HCN1: variants seen among roughly 807,000 people sequenced by gnomAD.
HCN1 encodes the protein hyperpolarization activated cyclic nucleotide gated potassium channel 1.
In HCN1, 13 loss-of-function variants were observed where a neutral mutation model predicts 78.9. That is an observed-to-expected ratio of 0.16 (90% CI 0.11 to 0.26). HCN1 has a LOEUF of 0.26. Ranked by LOEUF, HCN1 falls within the 10% of genes least tolerant of loss-of-function variation. HCN1 has a pLI of 1.00. For synonymous variants in HCN1, 552 were observed against 455.5 expected (o/e 1.21, Z -2.70); for missense variants, 810 against 1,154.3 (o/e 0.70, Z 4.32).
At chr5:45,641,938 A>C (rs1745462265) in intron 2 of HCN1, 1 of 152,164 alleles carries the variant, frequency 6.6e-6, no homozygotes, top group Non-Finnish European at 1.5e-5. Context: ...GAAGATCACA[A>C]GGAATTTGTT....
At chr5:45,425,819 G>A (rs184287188) in intron 3 of HCN1, among the ~76,000 whole-genome samples, 1 of 152,176 alleles carries the variant, frequency 6.6e-6, no homozygotes, top group Non-Finnish European at 1.5e-5. Flanking sequence ...CAAGTCAGGA[G>A]AGAAGGGAGG....
At chr5:45,310,608 G>T (rs1745830276) in intron 5 of HCN1, among the ~76,000 whole-genome samples, 1 of 152,134 alleles carries the variant, frequency 6.6e-6, no homozygotes, top group African/African-American at 2.4e-5. Flanking sequence ...ACAGTGTAGT[G>T]ATTCCTTAAA....
At chr5:45,552,048 G>T (rs2111856971) in intron 2 of HCN1, among the ~76,000 whole-genome samples, 1 of 151,924 alleles carries the variant, frequency 6.6e-6, no homozygotes, top group African/African-American at 2.4e-5. Flanking sequence ...TACACCTCAG[G>T]ATTATCTTAT....
intron 6 of HCN1, among the ~76,000 whole-genome samples, chr5:45,270,336 G>T (rs763505369): frequency 5.3e-5 from 8 of 152,168 alleles, no homozygotes; most frequent in Non-Finnish European, 1.2e-4. Flanking sequence ...TGCAAGAAAG[G>T]ATTTAAAACG....
chr5:45,404,553 T>C (rs1368767042), intron 3 of HCN1, among the ~76,000 whole-genome samples: 2 of 151,460 alleles, frequency 1.3e-5, no homozygotes, highest in Admixed American at 1.3e-4. Flanking sequence ...ACATAGTAAG[T>C]ACCTTTGCTT....
chr5:45,365,280 T>C (rs1747211235), intron 4 of HCN1, among the ~76,000 whole-genome samples: 1 of 151,942 alleles, frequency 6.6e-6, no homozygotes. Flanking sequence ...GGGCTTCTAA[T>C]GTACCCATCA....
chr5:45,509,405 G>GA (rs559527282), intron 2 of HCN1, among the ~76,000 whole-genome samples: 17 of 151,776 alleles, frequency 1.1e-4, no homozygotes, highest in South Asian at 4.2e-4. Flanking sequence ...AAAATAAAGG[G>GA]AAAAAAAAGC....
chr5:45,677,144 G>A (rs1739573545), intron 1 of HCN1, among the ~76,000 whole-genome samples: 1 of 151,748 alleles, frequency 6.6e-6, no homozygotes, highest in Non-Finnish European at 1.5e-5. Flanking sequence ...TGGATTAGAT[G>A]AAACCCCTAG....
chr5:45,574,985 A>G (rs1743910306), intron 2 of HCN1: 1 of 152,244 alleles, frequency 6.6e-6, no homozygotes, highest in Admixed American at 6.6e-5. Context: ...ATCTAAGGAA[A>G]GAAGTAATGT....
At chr5:45,524,770 G>T (rs1742695668) in intron 2 of HCN1, among the ~76,000 whole-genome samples, 1 of 151,970 alleles carries the variant, frequency 6.6e-6, no homozygotes, top group Admixed American at 6.6e-5. Flanking sequence ...GAGACGATGG[G>T]GTTTTCTAGA....
intron 1 of HCN1, among the ~76,000 whole-genome samples, 167 bp downstream of exon 1, chr5:45,695,502 C>G (rs1213155271): frequency 6.6e-6 from 1 of 152,124 alleles, no homozygotes; most frequent in Non-Finnish European, 1.5e-5. Context: ...TGGGTGGAAA[C>G]TACCCGGAGG....
At chr5:45,537,216 A>T (rs559143806) in intron 2 of HCN1, among the ~76,000 whole-genome samples, 2 of 152,312 alleles carry the variant, frequency 1.3e-5, no homozygotes, top group Admixed American at 1.3e-4. Context: ...TGTCTTTTCC[A>T]GTAAATCTTA....
At chr5:45,416,206 T>A (rs1740115152) in intron 3 of HCN1, among the ~76,000 whole-genome samples, 1 of 151,960 alleles carries the variant, frequency 6.6e-6, no homozygotes, top group African/African-American at 2.4e-5. Flanking sequence ...TAGGTATTAT[T>A]TTAATCATGA....
intron 5 of HCN1, among the ~76,000 whole-genome samples, chr5:45,334,421 C>T (rs1036653665): frequency 1.3e-5 from 2 of 149,658 alleles, no homozygotes; most frequent in Non-Finnish European, 3.0e-5. Flanking sequence ...GGTGAACACA[C>T]TTTTTTTTTT....
At chr5:45,691,908 G>A (rs985140349) in intron 1 of HCN1, among the ~76,000 whole-genome samples, 4 of 152,124 alleles carry the variant, frequency 2.6e-5, no homozygotes, top group African/African-American at 7.2e-5. Context: ...CCCATCTCTA[G>A]AGTCCTTGAG....
In HCN1 at chr5:45,255,183, A is replaced by G. The variant is rs1203308145; in HGVS notation, c.*6738T>C. On this transcript the variant is annotated 3_prime_UTR_variant, in exon 8 of 8. Transcript: ENST00000303230. Reference sequence around the variant, plus strand: ...GGCTGGGTTAGACAGCGTGACCAAGAGTAAACTTTGGATGGTCCAGGATAA... The same window carrying G: ...GGCTGGGTTAGACAGCGTGACCAAGGGTAAACTTTGGATGGTCCAGGATAA... The G allele has an allele frequency of 1.3e-5, 2 of 152,226 alleles. No individual in the cohort carries two copies. Among genetic ancestry groups the G allele is most frequent in the Non-Finnish European group, 2.9e-5 (2 of 68,046 alleles). The allele number at this position is 152,226 out of a possible 1,614,324, so 9.4% of individuals were successfully genotyped here. A position where few individuals can be genotyped will look rare whatever the true frequency, so the allele number is the denominator to read the frequency against.
chr5:45,446,639 A>C (rs1740803515), intron 3 of HCN1, among the ~76,000 whole-genome samples: 1 of 152,192 alleles, frequency 6.6e-6, no homozygotes. Context: ...GCCAGAGAGA[A>C]AGGTCCGGTT....
In HCN1 at chr5:45,581,723, A is replaced by G. The variant is rs148137644; in HGVS notation, c.849+63462T>C. On this transcript the variant is annotated intron_variant, in intron 2 of 7. Transcript: ENST00000303230. ...TAAGGTGTAAGGAAGGGATCCAGTT[A>G]CAGCTTTCTGCATATGACTATCCAG... Among the ~76,000 whole-genome samples, 9 of 152,162 alleles carry G rather than the reference A, an allele frequency of 5.9e-5. No individual in the cohort carries two copies. In the South Asian group the frequency reaches 1.9e-3, roughly 32 times the overall value.
At chr5:45,572,962 C>T (rs184226915) in intron 2 of HCN1, among the ~76,000 whole-genome samples, 2 of 151,974 alleles carry the variant, frequency 1.3e-5, no homozygotes, top group Non-Finnish European at 2.9e-5. Context: ...TTTTTAAGGT[C>T]GTCAGGAAAG....
Sources: allele counts gnomAD v4.1 joint callset (sites outside exome capture counted in the v4.1 genomes callset), GRCh38; gene constraint gnomAD v4.1.1; transcripts MANE v1.5; gene names NCBI Gene and HGNC (gene_info 2026-07-23, HGNC 2026-07-21).